SPOCK3: variants seen among roughly 807,000 people sequenced by gnomAD.
The protein encoded by SPOCK3 is SPARC (osteonectin), cwcv and kazal like domains proteoglycan 3, also known as testican-3.
A neutral mutation model predicts 56.6 loss-of-function variants in SPOCK3; 30 were observed. The observed-to-expected ratio is 0.53, with a 90% CI of 0.40 to 0.72. SPOCK3 has a LOEUF of 0.72. Among genes scored for constraint, SPOCK3 ranks in the 30% least tolerant of loss-of-function variants. The pLI is 0.00. For synonymous variants in SPOCK3, 196 were observed against 183.3 expected, an observed-to-expected ratio of 1.07 and a Z score of -0.56; for missense variants, 527 against 530.0, an observed-to-expected ratio of 0.99 and a Z score of 0.06.
At chr4:167,152,926 A>G (rs815224) in intron 2 of SPOCK3, among the ~76,000 whole-genome samples, 30,421 of 152,124 alleles carry the variant, frequency 0.2, 3,276 homozygotes, top group Middle Eastern at 0.27. Flanking sequence ...TTTGTTTAGC[A>G]TGCACGAAAG....
chr4:166,916,077 T>C (rs1316880549), intron 4 of SPOCK3, among the ~76,000 whole-genome samples: 1 of 152,176 alleles, frequency 6.6e-6, no homozygotes, highest in East Asian at 1.9e-4. Flanking sequence ...AACTGCATCC[T>C]ATACAGGGTC....
rs1324642250 is a variant in SPOCK3 at position 167,202,124 on chromosome 4, T to G, written c.189+31861A>C. 2.0e-5 allele frequency among the ~76,000 whole-genome samples: 3 copies of G among 151,958 alleles called. No homozygotes were observed. In the East Asian group the frequency reaches 5.8e-4, roughly 29 times the overall value. Reference sequence around the variant, plus strand: ...TTTTAAAACCACTGTTAGTACTACCTGCTTCACCTACTCCAAATATAAGTG... The same window carrying G: ...TTTTAAAACCACTGTTAGTACTACCGGCTTCACCTACTCCAAATATAAGTG... On this transcript the variant is annotated intron_variant, in intron 2 of 10. Transcript: ENST00000357545.
chr4:166,841,317 C>T (rs1747282186), intron 6 of SPOCK3, among the ~76,000 whole-genome samples: 1 of 151,940 alleles, frequency 6.6e-6, no homozygotes, highest in African/African-American at 2.4e-5. Context: ...TTAGCCATAC[C>T]AGTAGGATGT....
rs201214918 is a variant in SPOCK3 at position 166,961,206 on chromosome 4, AT to A, written c.350+39142del. 5.9e-5 allele frequency among the ~76,000 whole-genome samples: 9 copies of A among 151,728 alleles called. No homozygotes were observed. In the East Asian group the frequency reaches 9.7e-4, roughly 16 times the overall value. On this transcript the variant is annotated intron_variant, in intron 4 of 10. Transcript: ENST00000357545. ...AAATTCACAGCATTTTAAAACATCA[AT>A]TTTAAAAAAAACCTTTAAATACGTG...
At chr4:167,063,921 A>G (rs1046380054) in intron 2 of SPOCK3, among the ~76,000 whole-genome samples, 1 of 151,884 alleles carries the variant, frequency 6.6e-6, no homozygotes, top group Non-Finnish European at 1.5e-5. Context: ...GGGCAGTTAG[A>G]TTAAATCTAA....
intron 3 of SPOCK3, among the ~76,000 whole-genome samples, chr4:167,052,089 C>T (rs1457763379): frequency 1.3e-5 from 2 of 152,244 alleles, no homozygotes; most frequent in Non-Finnish European, 2.9e-5. Context: ...GACCTTTACA[C>T]AGTATTTATT....
At chr4:166,807,361 T>C (rs1053113738) in intron 6 of SPOCK3, among the ~76,000 whole-genome samples, 11 of 151,506 alleles carry the variant, frequency 7.3e-5, no homozygotes, top group African/African-American at 2.7e-4. Context: ...CGATGGATCA[T>C]GTTATCTCAT....
chr4:167,060,983 G>A (rs1461492799), intron 3 of SPOCK3, among the ~76,000 whole-genome samples: 4 of 152,002 alleles, frequency 2.6e-5, no homozygotes, highest in African/African-American at 4.8e-5. Context: ...CTATTATCAT[G>A]TCATAAGCTT....
chr4:167,028,710 G>A (rs1324617432), intron 3 of SPOCK3, among the ~76,000 whole-genome samples: 1 of 151,898 alleles, frequency 6.6e-6, no homozygotes, highest in Admixed American at 6.6e-5. Flanking sequence ...GTAGCCATGT[G>A]CCCAACAAAA....
At chr4:167,074,123 G>C (rs1756955168) in intron 2 of SPOCK3, among the ~76,000 whole-genome samples, 1 of 151,588 alleles carries the variant, frequency 6.6e-6, no homozygotes, top group East Asian at 1.9e-4. Context: ...AAAGGGTTAT[G>C]TGGAAGATAG....
intron 2 of SPOCK3, among the ~76,000 whole-genome samples, chr4:167,187,758 C>T (rs1732128327): frequency 6.6e-6 from 1 of 151,604 alleles, no homozygotes. Flanking sequence ...CAAATGATTC[C>T]TCAATTAAAA....
intron 7 of SPOCK3, among the ~76,000 whole-genome samples, chr4:166,766,516 T>G (rs1338017866): frequency 1.3e-5 from 2 of 152,090 alleles, no homozygotes; most frequent in African/African-American, 4.8e-5. Context: ...GTTGAACCAG[T>G]CTTGCATCCC....
chr4:166,861,674 G>A (rs1201057152), intron 6 of SPOCK3, among the ~76,000 whole-genome samples: 1 of 152,040 alleles, frequency 6.6e-6, no homozygotes, highest in Admixed American at 6.6e-5. Context: ...CTGAAGAACT[G>A]ACCTCTGAAC....
chr4:166,926,395 G>C (rs942999643), intron 4 of SPOCK3, among the ~76,000 whole-genome samples: 3 of 152,058 alleles, frequency 2.0e-5, no homozygotes, highest in African/African-American at 7.2e-5. Flanking sequence ...TCAAATATTT[G>C]AGGAATATTA....
At chr4:166,912,907 A>G (rs2127099971) in intron 4 of SPOCK3, among the ~76,000 whole-genome samples, 164 bp from the exon 5 acceptor site, 1 of 152,318 alleles carries the variant, frequency 6.6e-6, no homozygotes, top group Middle Eastern at 3.4e-3. Flanking sequence ...ATTTTTCATT[A>G]TAATCTTTTG....
At chr4:166,848,215 A>C (rs1359585858) in intron 6 of SPOCK3, among the ~76,000 whole-genome samples, 1 of 152,226 alleles carries the variant, frequency 6.6e-6, no homozygotes, top group East Asian at 1.9e-4. Context: ...AAACTGATGG[A>C]GTACAGTAGA....
intron 2 of SPOCK3, among the ~76,000 whole-genome samples, chr4:167,215,304 A>G (rs1041094011): frequency 6.6e-6 from 1 of 152,088 alleles, no homozygotes; most frequent in Non-Finnish European, 1.5e-5. Context: ...ATGTTTTATG[A>G]CTATTCCTTC....
chr4:166,858,673 T>G (rs1164346441), intron 6 of SPOCK3, among the ~76,000 whole-genome samples: 2 of 152,136 alleles, frequency 1.3e-5, no homozygotes, highest in Non-Finnish European at 2.9e-5. Flanking sequence ...GGAATGGAGA[T>G]CATTTACTAA....
At chr4:167,196,236 C>CTTATT (rs10674056) in intron 2 of SPOCK3, among the ~76,000 whole-genome samples, 9,401 of 152,146 alleles carry the variant, frequency 0.062, 309 homozygotes, top group Admixed American at 0.086. Flanking sequence ...AAATATTCCT[C>CTTATT]TTATGTTGTA....
Sources: allele counts gnomAD v4.1 joint callset (sites outside exome capture counted in the v4.1 genomes callset), GRCh38; gene constraint gnomAD v4.1.1; transcripts MANE v1.5; gene names NCBI Gene and HGNC (gene_info 2026-07-23, HGNC 2026-07-21).